The following ATXN7L1 variants were observed in gnomAD, a reference collection of about 807,000 sequenced individuals.
ATXN7L1 encodes ataxin 7 like 1.
A neutral mutation model predicts 70.8 loss-of-function variants in ATXN7L1; 15 were observed. The observed-to-expected ratio is 0.21, with a 90% CI of 0.14 to 0.33. The LOEUF (loss-of-function observed/expected upper bound fraction) is 0.33, where lower values mean the gene tolerates loss of function less well. Among genes scored for constraint, ATXN7L1 ranks in the 10% least tolerant of loss-of-function variants. The pLI is 1.00. For synonymous variants in ATXN7L1, 440 were observed against 445.1 expected (o/e 0.99, Z 0.14); for missense variants, 975 against 1,097.1 (o/e 0.89, Z 1.57).
rs866480130 is a variant in ATXN7L1, at chr7:105,643,543, A to G, written c.579-422T>C. Among the ~76,000 whole-genome samples, 5 of 152,276 alleles carry G rather than the reference A, an allele frequency of 3.3e-5. No homozygotes were observed. In the South Asian group the frequency reaches 6.2e-4, roughly 19 times the overall value. On this transcript the variant is annotated intron_variant, in intron 4 of 11. Transcript: ENST00000419735. ...ATCACGCCCCCTCCCCCCGCTGCTCAGCTAGTCCCCCAGCCCGGCCCGGAT... is the reference window on the plus strand; with the variant it reads ...ATCACGCCCCCTCCCCCCGCTGCTCGGCTAGTCCCCCAGCCCGGCCCGGAT...
At chr7:105,840,216 A>G (rs1157979128) in intron 2 of ATXN7L1, among the ~76,000 whole-genome samples, 2 of 152,100 alleles carry the variant, frequency 1.3e-5, no homozygotes, top group Non-Finnish European at 2.9e-5. Context: ...CAGAGTGACA[A>G]TCCGATCTGA....
At chr7:105,858,568 C>T (rs1816076231) in intron 2 of ATXN7L1, among the ~76,000 whole-genome samples, 1 of 152,188 alleles carries the variant, frequency 6.6e-6, no homozygotes, top group Non-Finnish European at 1.5e-5. Context: ...GAATGACATG[C>T]TAATTGCAGA....
intron 2 of ATXN7L1, among the ~76,000 whole-genome samples, chr7:105,831,215 C>T (rs982492766): frequency 6.6e-6 from 1 of 152,192 alleles, no homozygotes; most frequent in African/African-American, 2.4e-5. Flanking sequence ...TTATGCTACC[C>T]TGGTTACATG....
chr7:105,827,453 T>G (rs1313073042), intron 2 of ATXN7L1, among the ~76,000 whole-genome samples: 3 of 152,174 alleles, frequency 2.0e-5, no homozygotes, highest in African/African-American at 7.2e-5. Context: ...TCTAAGAGCT[T>G]TATGCAAAAT....
intron 2 of ATXN7L1, among the ~76,000 whole-genome samples, chr7:105,868,951 G>A (rs146946576): frequency 2.0e-4 from 30 of 152,188 alleles, no homozygotes; most frequent in Non-Finnish European, 3.8e-4. Flanking sequence ...CTTCCACACG[G>A]GAACCCAGGC....
In ATXN7L1 at chr7:105,733,646, C is replaced by T. The variant is rs796087893; in HGVS notation, c.355+54958G>A. ...TCCATCCATCCACCCATCCATCCAT[C>T]CATCCATCCATCCATCCATCCATCC... is the stretch of plus-strand genomic sequence containing the variant. On this transcript the variant is annotated intron_variant, in intron 3 of 11. Transcript: ENST00000419735. 2.3e-4 allele frequency among the ~76,000 whole-genome samples: 29 copies of T among 126,698 alleles called. 1 individual carries two copies. Among genetic ancestry groups the T allele is most frequent in the Non-Finnish European group, 2.9e-4 (17 of 58,850 alleles). The allele number at this position is 126,698 out of a possible 152,430, so 83.1% of individuals were successfully genotyped here.
chr7:105,642,230 T>C (rs899403887), intron 5 of ATXN7L1, among the ~76,000 whole-genome samples: 4 of 151,946 alleles, frequency 2.6e-5, no homozygotes, highest in African/African-American at 7.3e-5. Flanking sequence ...AACCAAGGAG[T>C]AGACCCACAA....
chr7:105,737,507 C>T (rs995169942), intron 3 of ATXN7L1, among the ~76,000 whole-genome samples: 1 of 151,586 alleles, frequency 6.6e-6, no homozygotes, highest in African/African-American at 2.4e-5. Flanking sequence ...GCAGCTCTAG[C>T]ATGCTGCCTA....
At chr7:105,610,505 CCA>C in intron 11 of ATXN7L1, 22 bp downstream of exon 11, 31 of 1,374,230 alleles carry the variant, frequency 2.3e-5, no homozygotes, top group Non-Finnish European at 2.7e-5. Context: ...AATTTTTGCC[CCA>C]CCCCCACCCT....
Position 105,614,949 on chromosome 7 carries a change from T to G in ATXN7L1, c.1518-133A>C. On this transcript the variant is annotated intron_variant, in intron 9 of 11. Coordinates refer to ENST00000419735, the MANE Select transcript of ATXN7L1 (RefSeq NM_020725.2). This position sits in a 1 kb window ranked among gnomAD's most constrained non-coding sequence, Gnocchi z 4.3. ...AACCAGACTATGGAGAATGGAGCCT[T>G]GAAGGATGGGAGAATCTGAAGCATG... 1 of 1,093,522 alleles carries G rather than the reference T, an allele frequency of 9.1e-7. No individual in the cohort carries two copies. Among genetic ancestry groups the G allele is most frequent in the Non-Finnish European group, 1.3e-6 (1 of 788,426 alleles). The allele number at this position is 1,093,522 out of a possible 1,614,324, so 67.7% of individuals were successfully genotyped here. A position where few individuals can be genotyped will look rare whatever the true frequency, so the allele number is the denominator to read the frequency against.
At chr7:105,866,135 G>A (rs1328891525) in intron 2 of ATXN7L1, among the ~76,000 whole-genome samples, 1 of 152,090 alleles carries the variant, frequency 6.6e-6, no homozygotes, top group African/African-American at 2.4e-5. Context: ...TCAATGCCTT[G>A]AGGTAAGGTC....
chr7:105,726,661 A>G (rs945166316), intron 3 of ATXN7L1, among the ~76,000 whole-genome samples: 1 of 152,192 alleles, frequency 6.6e-6, no homozygotes, highest in Admixed American at 6.5e-5. Context: ...ATCCTAGTCC[A>G]GCCCTTAGGA....
At chr7:105,725,135 T>G (rs1795656082) in intron 3 of ATXN7L1, among the ~76,000 whole-genome samples, 2 of 152,168 alleles carry the variant, frequency 1.3e-5, no homozygotes, top group African/African-American at 4.8e-5. Context: ...GAGCCTATCT[T>G]TTTGGGAAGA....
At chr7:105,871,771 A>G (rs1460227573) in intron 2 of ATXN7L1, among the ~76,000 whole-genome samples, 1 of 152,200 alleles carries the variant, frequency 6.6e-6, no homozygotes, top group Non-Finnish European at 1.5e-5. Flanking sequence ...TTTAGATGAA[A>G]TAATAACAAT....
chr7:105,843,478 C>T (rs541689541), intron 2 of ATXN7L1, among the ~76,000 whole-genome samples: 1 of 152,358 alleles, frequency 6.6e-6, no homozygotes, highest in African/African-American at 2.4e-5. Flanking sequence ...AATGGCAGGT[C>T]TGGGCACTCA....
intron 8 of ATXN7L1, among the ~76,000 whole-genome samples, chr7:105,621,831 T>C (rs569680965): frequency 1.8e-4 from 27 of 152,366 alleles, no homozygotes; most frequent in African/African-American, 6.3e-4. Context: ...AACCAGACTT[T>C]GGAACAACAG....
chr7:105,661,727 GAC>G (rs750200430), intron 4 of ATXN7L1, among the ~76,000 whole-genome samples: 19 of 152,158 alleles, frequency 1.2e-4, no homozygotes, highest in Non-Finnish European at 2.6e-4. Flanking sequence ...TCTCTTCCCT[GAC>G]ACATGTTCCT....
intron 4 of ATXN7L1, among the ~76,000 whole-genome samples, chr7:105,657,963 G>A (rs1800942803): frequency 6.6e-6 from 1 of 152,060 alleles, no homozygotes; most frequent in Non-Finnish European, 1.5e-5. Flanking sequence ...GAGATGTGCT[G>A]TAAGTGTAAT....
At chr7:105,837,915 G>A (rs891551262) in intron 2 of ATXN7L1, among the ~76,000 whole-genome samples, 3 of 152,106 alleles carry the variant, frequency 2.0e-5, no homozygotes, top group African/African-American at 4.8e-5. Flanking sequence ...ATGTGCGCTC[G>A]CTCTCGATGG....
Sources: gnomAD v4.1 joint callset for allele counts (sites outside exome capture counted in the v4.1 genomes callset) on GRCh38, gnomAD v4.1.1 for gene constraint, Gnocchi (gnomAD v3.1) non-coding constraint, MANE v1.5 for transcripts, NCBI Gene and HGNC (gene_info 2026-07-23, HGNC 2026-07-21) for gene names.